Variants in PCDHA10 observed in about 807,000 individuals in gnomAD.
The protein encoded by PCDHA10 is protocadherin alpha-10.
Under a neutral mutation model 61.2 loss-of-function variants are expected in PCDHA10, and 45 were observed. The ratio of observed to expected loss-of-function variants is 0.74; its 90% CI spans 0.58 to 0.94. The LOEUF (loss-of-function observed/expected upper bound fraction) is 0.94, where lower values mean the gene tolerates loss of function less well. Among genes scored for constraint, PCDHA10 ranks in the 40% least tolerant of loss-of-function variants. The pLI is 0.00. For synonymous variants in PCDHA10, 602 were observed against 548.8 expected (o/e 1.10, Z -1.35); for missense variants, 1,278 against 1,236.2 (o/e 1.03, Z -0.51).
intron 1 of PCDHA10, among the ~76,000 whole-genome samples, chr5:140,935,364 G>A (rs1480423579): frequency 2.0e-5 from 3 of 152,008 alleles, no homozygotes; most frequent in African/African-American, 4.8e-5. Flanking sequence ...TTTCATTAAC[G>A]TCAACAGAAT....
Position 141,010,492 on chromosome 5 carries a change from C to T in PCDHA10, c.*555C>T. 8.0e-6 allele frequency: 5 copies of T among 628,626 alleles called. No homozygotes were observed. 38.9% of individuals were successfully genotyped at this position (628,626 alleles called of 1,614,324 possible). On this transcript the variant is annotated 3_prime_UTR_variant, in exon 4 of 4. Coordinates refer to ENST00000307360, the MANE Select transcript of PCDHA10 (RefSeq NM_018901.4). ...AGGGGAAGTGTAAACTTAAAGGGAC[C>T]AGACTTTCTAAATCTTACAACTCAA... is the stretch of plus-strand genomic sequence containing the variant.
At chr5:140,968,982 C>G in intron 1 of PCDHA10, 1 of 1,614,226 alleles carries the variant, frequency 6.2e-7, no homozygotes, top group Non-Finnish European at 8.5e-7. Flanking sequence ...GCGTATGGCA[C>G]TGCATGCTGT....
intron 1 of PCDHA10, among the ~76,000 whole-genome samples, chr5:140,975,626 G>A (rs1234889198): frequency 6.6e-6 from 1 of 152,156 alleles, no homozygotes; most frequent in African/African-American, 2.4e-5. Flanking sequence ...GATTTCCATG[G>A]TACGAAGATA....
intron 3 of PCDHA10, among the ~76,000 whole-genome samples, chr5:141,002,620 A>G (rs553505520): frequency 6.8e-4 from 104 of 152,336 alleles, no homozygotes; most frequent in African/African-American, 2.4e-3. Flanking sequence ...CACATAACAC[A>G]GACAGAGATA....
At chr5:140,974,105 A>G (rs1173287678) in intron 1 of PCDHA10, among the ~76,000 whole-genome samples, 1 of 152,246 alleles carries the variant, frequency 6.6e-6, no homozygotes, top group African/African-American at 2.4e-5. Context: ...GGTTAAAAGT[A>G]TTCTTTTGCA....
chr5:140,912,122 C>A (rs1008861945), intron 1 of PCDHA10, among the ~76,000 whole-genome samples: 1 of 152,194 alleles, frequency 6.6e-6, no homozygotes, highest in Admixed American at 6.5e-5. Context: ...GAGGCTAAGT[C>A]AGTCTAATCT....
intron 3 of PCDHA10, among the ~76,000 whole-genome samples, chr5:141,000,038 C>T (rs1554257087): frequency 3.3e-5 from 5 of 152,092 alleles, no homozygotes; most frequent in Non-Finnish European, 5.9e-5. Flanking sequence ...TCCAATCACA[C>T]ACACACCACT....
rs2096251050 is a variant in PCDHA10, at chr5:140,968,498, C to T, written c.2389-10451C>T. 3 of 1,614,190 alleles carry T rather than the reference C, an allele frequency of 1.9e-6. No individual in the cohort carries two copies. The highest frequency in any genetic ancestry group is 2.5e-6 in the Non-Finnish European group (3 of 1,180,042). The stretch of plus-strand genomic sequence containing the variant: ...GGTGGACATGAATGACCATGCCCCT[C>T]ACATTCTGTACCCTACCTCAACCAA... On this transcript the variant is annotated intron_variant, in intron 1 of 3. Coordinates refer to ENST00000307360, the MANE Select transcript of PCDHA10 (RefSeq NM_018901.4).
intron 1 of PCDHA10, among the ~76,000 whole-genome samples, chr5:140,871,921 A>G (rs1267841761): frequency 6.6e-6 from 1 of 152,296 alleles, no homozygotes; most frequent in African/African-American, 2.4e-5. Flanking sequence ...ATATTTCCAC[A>G]TTGTTAGATC....
intron 1 of PCDHA10, among the ~76,000 whole-genome samples, chr5:140,941,202 C>CCTTCCTTTCTTTCTTT (rs1554213920): frequency 7.0e-4 from 86 of 122,822 alleles, no homozygotes; most frequent in Admixed American, 2.1e-3. Context: ...TTTCTTTCTT[C>CCTTCCTTTCTTTCTTT]CTTTCTTTCT....
At chr5:140,913,896 C>T (rs1440194616) in intron 1 of PCDHA10, among the ~76,000 whole-genome samples, 5 of 152,018 alleles carry the variant, frequency 3.3e-5, no homozygotes, top group African/African-American at 7.2e-5. Context: ...TCCAAAATTC[C>T]CCTTTTTTAT....
At chr5:140,926,391 A>G (rs76822698) in intron 1 of PCDHA10, 1 of 152,346 alleles carries the variant, frequency 6.6e-6, no homozygotes, top group East Asian at 1.9e-4. Context: ...GGGCTCAGCC[A>G]CAGTTATCAG....
rs1554263792 is a variant in PCDHA10 at position 141,012,059 on chromosome 5, C to T, written c.*2122C>T. 1 of 153,718 alleles carries T rather than the reference C, an allele frequency of 6.5e-6. No individual in the cohort carries two copies. The highest frequency in any genetic ancestry group is 1.5e-5 in the Non-Finnish European group (1 of 68,036). The allele number at this position is 153,718 out of a possible 1,614,324, so 9.5% of individuals were successfully genotyped here. A position where few individuals can be genotyped will look rare whatever the true frequency, so the allele number is the denominator to read the frequency against. ...TGCATGGGGTAAAACTTGTTACCAA[C>T]ACATGTGAACCATTGCTACATTGTA... On this transcript the variant is annotated 3_prime_UTR_variant, in exon 4 of 4. Transcript: ENST00000307360.
intron 1 of PCDHA10, chr5:140,863,482 A>C (rs2048042905): frequency 4.3e-6 from 2 of 466,950 alleles, no homozygotes; most frequent in East Asian, 1.2e-4. Context: ...TCGCCTCCCA[A>C]GGTCAACATT....
chr5:140,877,637 G>A (rs1554169943), intron 1 of PCDHA10: 1 of 1,613,520 alleles, frequency 6.2e-7, no homozygotes, highest in Non-Finnish European at 8.5e-7. Context: ...ACTGCGCTGC[G>A]TTGCTCAGCG....
Position 140,857,105 on chromosome 5 carries a change from T to G in PCDHA10, c.1057T>G (p.Ser353Ala). Residue 353 changes from serine to alanine, a missense_variant, in exon 1 of 4, where the codon TCT becomes GCT. By Grantham distance (99) the Ser-to-Ala change is moderately conservative. Transcript: ENST00000307360. The stretch of plus-strand genomic sequence containing the variant: ...TAATTCACCTGAGGTGATTGTCACT[T>G]CTCTGTCTCTCCCAGTGAAAGAAGA... The part of the protein sequence containing the change: ...NDNSPEVIVT[S>A]LSLPVKEDAQ... The G allele has an allele frequency of 1.9e-6, 3 of 1,597,820 alleles. 1 individual carries two copies. Among genetic ancestry groups the G allele is most frequent in the Non-Finnish European group, 2.6e-6 (3 of 1,167,424 alleles).
intron 1 of PCDHA10, chr5:140,928,603 C>A: frequency 1.2e-6 from 2 of 1,614,208 alleles, no homozygotes; most frequent in South Asian, 2.2e-5. Flanking sequence ...GGAAATTGTG[C>A]CCCGCTCTGC....
intron 1 of PCDHA10, among the ~76,000 whole-genome samples, chr5:140,932,839 C>T (rs138437913): frequency 6.6e-6 from 1 of 151,940 alleles, no homozygotes; most frequent in East Asian, 1.9e-4. Flanking sequence ...GACAATGTGT[C>T]TCATAATGTT....
At chr5:140,958,484 G>A (rs246009) in intron 1 of PCDHA10, among the ~76,000 whole-genome samples, 85,541 of 151,786 alleles carry the variant, frequency 0.56, 24,705 homozygotes, top group African/African-American at 0.69. Flanking sequence ...AGAGCACTAA[G>A]TCCACATATC....
Sources: gnomAD v4.1 joint callset for allele counts (sites outside exome capture counted in the v4.1 genomes callset) on GRCh38, gnomAD v4.1.1 for gene constraint, MANE v1.5 for transcripts, NCBI Gene and HGNC (gene_info 2026-07-23, HGNC 2026-07-21) for gene names.